Variants in ITGA9 observed in about 807,000 individuals in gnomAD.
ITGA9 encodes the protein integrin subunit alpha 9.
In ITGA9, 56 loss-of-function variants were observed where a neutral mutation model predicts 127.8. That is an observed-to-expected ratio of 0.44 (90% confidence interval 0.35 to 0.55). ITGA9 has a LOEUF of 0.55. Ranked by LOEUF, ITGA9 falls within the 20% of genes least tolerant of loss-of-function variation. The pLI is 0.00. For missense variants in ITGA9, 1,196 were observed against 1,347.1 expected (o/e 0.89, Z 1.76); for synonymous variants, 508 against 514.5 (o/e 0.99, Z 0.17).
chr3:37,526,158 C>T, intron 13 of ITGA9, 87 bp downstream of exon 13: 2 of 1,166,478 alleles, frequency 1.7e-6, no homozygotes, highest in Non-Finnish European at 2.6e-6. Flanking sequence ...TTTCCTCTGT[C>T]CTGTTCCTTG....
intron 15 of ITGA9, among the ~76,000 whole-genome samples, chr3:37,609,691 T>C (rs1180164415): frequency 2.6e-5 from 4 of 152,140 alleles, no homozygotes; most frequent in Admixed American, 6.5e-5. Flanking sequence ...ACAGGGCACA[T>C]TGGGGATGGC....
chr3:37,521,055 C>T (rs1319728270), intron 11 of ITGA9, among the ~76,000 whole-genome samples: 1 of 152,146 alleles, frequency 6.6e-6, no homozygotes, highest in Non-Finnish European at 1.5e-5. Context: ...TCTGGACCAG[C>T]CTGCCTTTGT....
At chr3:37,735,115 T>C (rs1696343845) in intron 19 of ITGA9, among the ~76,000 whole-genome samples, 1 of 152,238 alleles carries the variant, frequency 6.6e-6, no homozygotes, top group African/African-American at 2.4e-5. Context: ...CATGTATTTC[T>C]CTCTCTCACA....
intron 15 of ITGA9, among the ~76,000 whole-genome samples, chr3:37,608,294 A>G (rs947520783): frequency 6.6e-6 from 1 of 152,272 alleles, no homozygotes; most frequent in Non-Finnish European, 1.5e-5. Flanking sequence ...TTAAAAGGTT[A>G]AGATCAAAGA....
intron 26 of ITGA9, among the ~76,000 whole-genome samples, chr3:37,785,647 T>G (rs1170984372): frequency 1.3e-5 from 2 of 152,112 alleles, no homozygotes; most frequent in East Asian, 3.9e-4. Context: ...TTTAAATTTT[T>G]TAAAATTTTT....
intron 15 of ITGA9, among the ~76,000 whole-genome samples, chr3:37,559,621 C>T (rs1158731993): frequency 2.0e-5 from 3 of 152,206 alleles, no homozygotes; most frequent in African/African-American, 7.2e-5. Context: ...GGCTCAGATA[C>T]ACTCTGTTGC....
intron 15 of ITGA9, among the ~76,000 whole-genome samples, chr3:37,586,031 G>A (rs111302474): frequency 7.7e-4 from 115 of 150,288 alleles, no homozygotes; most frequent in African/African-American, 2.6e-3. Flanking sequence ...TGAGAGTGAT[G>A]ATGGTGATGG....
Position 37,608,999 on chromosome 3 carries a change from T to A in ITGA9, c.1690-20188T>A, listed in dbSNP as rs552327234. Among the ~76,000 whole-genome samples the A allele has an allele frequency of 8.9e-4, 136 of 152,210 alleles. 3 individuals are homozygous for A. In the Middle Eastern group the frequency reaches 0.014, roughly 15 times the overall value. On this transcript the variant is annotated intron_variant, in intron 15 of 27. Coordinates refer to ENST00000264741, the MANE Select transcript of ITGA9 (RefSeq NM_002207.3). ...TGCTGCAGTAAAGTATGGGTCAACA[T>A]CCCCAAAATGTGTGACTCGCCCAAA...
At chr3:37,724,549 G>C (rs1045293681) in intron 18 of ITGA9, among the ~76,000 whole-genome samples, 3 of 152,142 alleles carry the variant, frequency 2.0e-5, no homozygotes, top group Non-Finnish European at 4.4e-5. Flanking sequence ...AGCCTAGAGT[G>C]CAATGGTGCA....
intron 23 of ITGA9, among the ~76,000 whole-genome samples, chr3:37,764,153 C>T (rs1696752145): frequency 6.6e-6 from 1 of 152,150 alleles, no homozygotes; most frequent in South Asian, 2.1e-4. Context: ...GCCTAGTTCC[C>T]TCATGTAGAG....
At chr3:37,657,439 A>G (rs1171744722) in intron 17 of ITGA9, among the ~76,000 whole-genome samples, 2 of 152,150 alleles carry the variant, frequency 1.3e-5, no homozygotes, top group African/African-American at 2.4e-5. Context: ...GTGTCCAGGA[A>G]TTTATCCATT....
chr3:37,699,637 A>G (rs1700924890), intron 18 of ITGA9, among the ~76,000 whole-genome samples: 2 of 152,176 alleles, frequency 1.3e-5, no homozygotes, highest in Admixed American at 1.3e-4. Flanking sequence ...TTTGCTCAGA[A>G]GTCTCCAGTG....
chr3:37,762,397 T>C (rs1031878952), intron 23 of ITGA9, among the ~76,000 whole-genome samples: 2 of 152,222 alleles, frequency 1.3e-5, no homozygotes, highest in East Asian at 1.9e-4. Flanking sequence ...GCTCAGAGCA[T>C]GACCACAACC....
At chr3:37,770,073 A>G (rs1255353247) in intron 23 of ITGA9, among the ~76,000 whole-genome samples, 1 of 152,174 alleles carries the variant, frequency 6.6e-6, no homozygotes, top group Non-Finnish European at 1.5e-5. Flanking sequence ...AGGAGAGCAG[A>G]AGTTAAAGCT....
intron 24 of ITGA9, among the ~76,000 whole-genome samples, chr3:37,779,197 C>G (rs938802621): frequency 2.0e-5 from 3 of 152,118 alleles, no homozygotes; most frequent in Admixed American, 2.0e-4. Flanking sequence ...TTCTGCCTCT[C>G]GGGTTCATGC....
chr3:37,677,142 A>G (rs1236026851), intron 17 of ITGA9, among the ~76,000 whole-genome samples: 1 of 152,204 alleles, frequency 6.6e-6, no homozygotes, highest in African/African-American at 2.4e-5. Flanking sequence ...TTCATTTACC[A>G]GCATGCATTC....
chr3:37,478,123 C>T (rs757533225), intron 3 of ITGA9, among the ~76,000 whole-genome samples: 9 of 152,220 alleles, frequency 5.9e-5, no homozygotes, highest in Non-Finnish European at 8.8e-5. Context: ...CAATGCCCCT[C>T]CTGGCCACTT....
At position 37,737,905 on chromosome 3, in the gene ITGA9, C is replaced by T. The variant is rs548417773; in HGVS notation, c.2234+922C>T. On this transcript the variant is annotated intron_variant, in intron 20 of 27. Transcript: ENST00000264741. ...CTTTCTATATAATTTTTTTTGTTAACCATGTGAAAGTTGCAGAAATCATGC... is the reference window on the plus strand; with the variant it reads ...CTTTCTATATAATTTTTTTTGTTAATCATGTGAAAGTTGCAGAAATCATGC... 2.6e-5 allele frequency among the ~76,000 whole-genome samples: 4 copies of T among 152,088 alleles called. No individual in the cohort carries two copies. In the East Asian group the frequency reaches 7.7e-4, roughly 29 times the overall value.
chr3:37,808,073 C>T (rs1697319948), intron 27 of ITGA9: 1 of 152,274 alleles, frequency 6.6e-6, no homozygotes, highest in Non-Finnish European at 1.5e-5. Context: ...CAGAAGGAAG[C>T]CCCTTCTCTC....
Sources: allele counts gnomAD v4.1 joint callset (sites outside exome capture counted in the v4.1 genomes callset), GRCh38; gene constraint gnomAD v4.1.1; transcripts MANE v1.5; gene names NCBI Gene and HGNC (gene_info 2026-07-23, HGNC 2026-07-21).